LARGE1: variants seen among roughly 807,000 people sequenced by gnomAD.
LARGE1 encodes the protein LARGE xylosyl- and glucuronyltransferase 1, also known as xylosyl- and glucuronyltransferase LARGE1.
LARGE1 carries 43 observed loss-of-function variants against 87.6 expected under a neutral mutation model. That is an observed-to-expected ratio of 0.49 (90% CI 0.38 to 0.63). The LOEUF (loss-of-function observed/expected upper bound fraction) is 0.63. Ranked by LOEUF, LARGE1 falls within the 30% of genes least tolerant of loss-of-function variation. The pLI, the probability that LARGE1 is intolerant of heterozygous loss-of-function variation, is 0.00. For synonymous variants in LARGE1, 434 were observed against 394.6 expected, an observed-to-expected ratio of 1.10 and a Z score of -1.18; for missense variants, 802 against 1,000.2, an observed-to-expected ratio of 0.80 and a Z score of 2.67.
chr22:33,445,839 G>T (rs1439087664), intron 6 of LARGE1, among the ~76,000 whole-genome samples: 1 of 151,908 alleles, frequency 6.6e-6, no homozygotes, highest in Non-Finnish European at 1.5e-5. Context: ...TAATAGAGAT[G>T]GACTTTCACC....
intron 1 of LARGE1, among the ~76,000 whole-genome samples, chr22:33,808,875 G>C (rs1448665244): frequency 2.6e-5 from 4 of 152,144 alleles, no homozygotes; most frequent in Admixed American, 2.6e-4. Context: ...AACACTGTCT[G>C]GTGGGTCTCA....
chr22:33,198,395 G>A (rs962946425), intron 11 of LARGE1, among the ~76,000 whole-genome samples: 35 of 151,976 alleles, frequency 2.3e-4, no homozygotes, highest in African/African-American at 7.7e-4. Flanking sequence ...ATCATAGTTC[G>A]CTGCAGCCTC....
At chr22:33,753,726 T>C (rs1186220532) in intron 2 of LARGE1, among the ~76,000 whole-genome samples, 3 of 152,110 alleles carry the variant, frequency 2.0e-5, no homozygotes, top group Admixed American at 6.6e-5. Context: ...CCTAGCAGGA[T>C]AGCCAATATT....
chr22:33,557,877 T>G (rs765127185), intron 6 of LARGE1, among the ~76,000 whole-genome samples: 6 of 152,154 alleles, frequency 3.9e-5, no homozygotes, highest in African/African-American at 9.6e-5. Flanking sequence ...CAGGAGAACT[T>G]CTAAAGGCCC....
intron 14 of LARGE1, among the ~76,000 whole-genome samples, chr22:33,274,892 A>G (rs140016102): frequency 1.2e-4 from 19 of 152,334 alleles, no homozygotes; most frequent in African/African-American, 4.6e-4. Flanking sequence ...ACCATGACGG[A>G]GAAGCCAATA....
At chr22:33,653,790 G>C (rs11914217) in intron 2 of LARGE1, among the ~76,000 whole-genome samples, 3,368 of 152,244 alleles carry the variant, frequency 0.022, 96 homozygotes, top group African/African-American at 0.07. Context: ...GAGTTGTTCT[G>C]TGTGTTGTAT....
At chr22:33,502,632 G>C (rs553865129) in intron 6 of LARGE1, among the ~76,000 whole-genome samples, 3 of 151,846 alleles carry the variant, frequency 2.0e-5, no homozygotes, top group African/African-American at 7.3e-5. Context: ...GCAGTGGCGT[G>C]ATCTCGGCTC....
intron 5 of LARGE1, among the ~76,000 whole-genome samples, chr22:33,592,843 T>C (rs1354019880): frequency 8.7e-6 from 1 of 115,488 alleles, no homozygotes; most frequent in Non-Finnish European, 1.7e-5. Context: ...TGTTTGTTTG[T>C]GTGTGTGTAT....
At chr22:33,867,060 G>C (rs2064126761) in intron 1 of LARGE1, among the ~76,000 whole-genome samples, 1 of 152,164 alleles carries the variant, frequency 6.6e-6, no homozygotes, top group South Asian at 2.1e-4. Flanking sequence ...GGGCTCTAAT[G>C]AATGAATGGA....
chr22:33,264,366 C>T (rs1480751260), intron 11 of LARGE1, among the ~76,000 whole-genome samples: 3 of 152,226 alleles, frequency 2.0e-5, no homozygotes, highest in Admixed American at 2.0e-4. Context: ...ATAGGAGGCA[C>T]ACAACTTAAA....
At chr22:33,891,528 G>C (rs1005793818) in intron 1 of LARGE1, among the ~76,000 whole-genome samples, 1 of 151,876 alleles carries the variant, frequency 6.6e-6, no homozygotes, top group East Asian at 1.9e-4. Flanking sequence ...GTTACTGCAT[G>C]ACTTTAGCAA....
rs148444743 is a variant in LARGE1, at chr22:33,408,137, C to T, written c.893-23833G>A. ...CTGGGATTACAGGCGTGCAACACCACGCCCAGCTAATTTTTTTTTGTATTT... is the reference window on the plus strand; with the variant it reads ...CTGGGATTACAGGCGTGCAACACCATGCCCAGCTAATTTTTTTTTGTATTT... On this transcript the variant is annotated intron_variant, in intron 7 of 14. Coordinates refer to ENST00000397394, the MANE Select transcript of LARGE1 (RefSeq NM_133642.5). Among the ~76,000 whole-genome samples the T allele has an allele frequency of 3.2e-3, 489 of 152,014 alleles. 2 individuals are homozygous for T. Among genetic ancestry groups the T allele is most frequent in the African/African-American group, 0.011 (437 of 41,480 alleles).
intron 6 of LARGE1, among the ~76,000 whole-genome samples, chr22:33,514,726 C>A (rs1007290242): frequency 6.6e-6 from 1 of 152,122 alleles, no homozygotes; most frequent in African/African-American, 2.4e-5. Flanking sequence ...ATCATATAGC[C>A]TTCTTTTAGT....
intron 1 of LARGE1, among the ~76,000 whole-genome samples, chr22:33,843,701 T>C (rs1168768057): frequency 1.3e-5 from 2 of 151,964 alleles, no homozygotes; most frequent in Non-Finnish European, 2.9e-5. Context: ...TCCTGCAGGT[T>C]TGAGTGCAGT....
At chr22:33,268,080 A>C (rs1306327232), downstream of LARGE1, among the ~76,000 whole-genome samples, 2 of 151,010 alleles carry the variant, frequency 1.3e-5, no homozygotes, top group Non-Finnish European at 2.9e-5. Flanking sequence ...CAGCCTCCCG[A>C]GTAGCTGGGA....
At chr22:33,736,268 AG>A (rs1487639652) in intron 2 of LARGE1, among the ~76,000 whole-genome samples, 5 of 152,204 alleles carry the variant, frequency 3.3e-5, no homozygotes, top group African/African-American at 9.7e-5. Flanking sequence ...GCAATGTATA[AG>A]GGTTCCGATT....
intron 14 of LARGE1, among the ~76,000 whole-genome samples, chr22:33,276,759 T>C (rs1929382169): frequency 1.3e-5 from 2 of 152,206 alleles, no homozygotes; most frequent in African/African-American, 4.8e-5. Context: ...GACCAAGTGA[T>C]GAATGGTCAC....
intron 11 of LARGE1, among the ~76,000 whole-genome samples, chr22:33,258,033 T>C (rs933510655): frequency 2.6e-5 from 4 of 151,952 alleles, no homozygotes; most frequent in Admixed American, 1.3e-4. Context: ...GAAATGTATA[T>C]ATATTTTTTT....
the LARGE1 span, among the ~76,000 whole-genome samples, chr22:33,098,861 C>T: frequency 1.3e-5 from 2 of 152,324 alleles, no homozygotes; most frequent in Admixed American, 6.5e-5. Flanking sequence ...CAAGATGGAA[C>T]TGAATAAACA....
Sources: allele counts gnomAD v4.1 joint callset (sites outside exome capture counted in the v4.1 genomes callset), GRCh38; gene constraint gnomAD v4.1.1; transcripts MANE v1.5; gene names NCBI Gene and HGNC (gene_info 2026-07-23, HGNC 2026-07-21).